Variants in CLASP1 observed in about 807,000 individuals in gnomAD.
CLASP1 encodes CLIP-associating protein 1.
CLASP1 carries 38 observed loss-of-function variants against 192.3 expected under a neutral mutation model. The observed-to-expected ratio is 0.20, with a 90% confidence interval of 0.15 to 0.26. The LOEUF (loss-of-function observed/expected upper bound fraction) is 0.26. Ranked by LOEUF, CLASP1 falls within the 10% of genes least tolerant of loss-of-function variation. CLASP1 has a pLI of 1.00. For missense variants in CLASP1, 1,433 were observed against 1,932.5 expected, an observed-to-expected ratio of 0.74 and a Z score of 4.85; for synonymous variants, 691 against 712.8, an observed-to-expected ratio of 0.97 and a Z score of 0.49.
chr2:121,532,745 AG>A, intron 2 of CLASP1: 1 of 152,336 alleles, frequency 6.6e-6, no homozygotes, highest in East Asian at 1.9e-4. Context: ...TTCCTTAGGT[AG>A]AAACTAAGGA....
At chr2:121,619,763 T>G (rs2106090311) in intron 1 of CLASP1, among the ~76,000 whole-genome samples, 1 of 152,328 alleles carries the variant, frequency 6.6e-6, no homozygotes, top group East Asian at 1.9e-4. Flanking sequence ...TTTTTTCTCC[T>G]CCTGTGGTAG....
chr2:121,584,189 T>A (rs1292112684), intron 2 of CLASP1, among the ~76,000 whole-genome samples: 1 of 152,178 alleles, frequency 6.6e-6, no homozygotes, highest in Non-Finnish European at 1.5e-5. Context: ...GCTCAACTGA[T>A]CTTCCCACCT....
intron 19 of CLASP1, among the ~76,000 whole-genome samples, chr2:121,436,699 CT>C (rs1681462325): frequency 6.6e-6 from 1 of 152,202 alleles, no homozygotes; most frequent in African/African-American, 2.4e-5. Flanking sequence ...GCATGAGCCA[CT>C]GTGCCCGGCT....
At chr2:121,611,836 G>A (rs184210451) in intron 1 of CLASP1, among the ~76,000 whole-genome samples, 5 of 150,978 alleles carry the variant, frequency 3.3e-5, no homozygotes, top group African/African-American at 1.2e-4. Context: ...AGAGGAACTG[G>A]AGGAGGAGGC....
At chr2:121,425,223 C>T (rs778715257) in exon 22 of CLASP1, 1 of 1,613,630 alleles carries the variant, frequency 6.2e-7, no homozygotes, top group African/African-American at 1.3e-5. Context: ...GACGGTGTCA[C>T]AGGTGGGCCT....
At chr2:121,445,988 A>C (rs1234624939) in intron 19 of CLASP1, among the ~76,000 whole-genome samples, 2 of 152,254 alleles carry the variant, frequency 1.3e-5, no homozygotes, top group African/African-American at 4.8e-5. Context: ...AACAGAACTA[A>C]TTCAGCATAG....
rs1263578640 is a variant in CLASP1, at chr2:121,463,245, AT to A, written c.866-641del. 5.9e-5 allele frequency among the ~76,000 whole-genome samples: 9 copies of A among 152,140 alleles called. No homozygotes were observed. The East Asian group carries it at 1.5e-3, about 26-fold the overall frequency. ...TGAAAATCAAGTGATGCTTTATCAGATTTTTTTCACATTGTAAAAATTGGTA... is the reference window on the plus strand; with the variant it reads ...TGAAAATCAAGTGATGCTTTATCAGATTTTTTCACATTGTAAAAATTGGTA... On this transcript the variant is annotated intron_variant, in intron 9 of 39. Coordinates refer to ENST00000263710, the Ensembl canonical transcript of CLASP1.
At chr2:121,577,215 G>C (rs78409097) in intron 2 of CLASP1, among the ~76,000 whole-genome samples, 2,070 of 149,194 alleles carry the variant, frequency 0.014, 43 homozygotes, top group African/African-American at 0.048. Flanking sequence ...TTACTCTTAC[G>C]TATCTTTAAA....
At chr2:121,553,244 G>A (rs1030646209) in intron 2 of CLASP1, among the ~76,000 whole-genome samples, 1 of 152,044 alleles carries the variant, frequency 6.6e-6, no homozygotes, top group Admixed American at 6.6e-5. Context: ...TTTGGGTACT[G>A]GGCTTAATAC....
intron 21 of CLASP1, 49 bp downstream of exon 21, chr2:121,427,355 A>T: frequency 6.2e-7 from 1 of 1,604,044 alleles, no homozygotes; most frequent in East Asian, 2.2e-5. Flanking sequence ...GTCGGGGAGA[A>T]TGCCAACAAC....
At chr2:121,424,998 G>A (rs1189554998) in intron 22 of CLASP1, 141 bp downstream of exon 22, 2 of 800,612 alleles carry the variant, frequency 2.5e-6, no homozygotes, top group African/African-American at 1.7e-5. Flanking sequence ...GCCATAATCT[G>A]TATAAAGCAC....
intron 2 of CLASP1, among the ~76,000 whole-genome samples, chr2:121,565,998 C>T (rs75940798): frequency 0.093 from 14,150 of 152,212 alleles, 921 homozygotes; most frequent in Non-Finnish European, 0.13. Context: ...CGGCCAGAAA[C>T]AAGCACACAG....
At chr2:121,387,212 G>C in exon 32 of CLASP1, 2 of 1,602,500 alleles carry the variant, frequency 1.2e-6, no homozygotes, top group Non-Finnish European at 1.7e-6. Context: ...CCGGCCAATC[G>C]TATTGCTTGG....
chr2:121,501,479 T>C (rs527911073), intron 8 of CLASP1, among the ~76,000 whole-genome samples: 26 of 152,210 alleles, frequency 1.7e-4, no homozygotes, highest in African/African-American at 6.3e-4. Flanking sequence ...AATTACACCA[T>C]AGTTAAAATT....
intron 26 of CLASP1, among the ~76,000 whole-genome samples, chr2:121,403,605 C>G (rs1318942344): frequency 6.6e-6 from 1 of 152,140 alleles, no homozygotes; most frequent in Non-Finnish European, 1.5e-5. Flanking sequence ...CACACCTTAC[C>G]TTCTTCCTCT....
chr2:121,515,974 C>A (rs1275802120), intron 6 of CLASP1, among the ~76,000 whole-genome samples: 1 of 152,184 alleles, frequency 6.6e-6, no homozygotes, highest in Admixed American at 6.5e-5. Flanking sequence ...AACTGTGGGA[C>A]CCCCATCCCT....
intron 1 of CLASP1, among the ~76,000 whole-genome samples, chr2:121,633,233 C>T (rs939688263): frequency 2.6e-5 from 4 of 151,764 alleles, no homozygotes; most frequent in South Asian, 2.1e-4. Context: ...CAAGATGAAG[C>T]GAATTCTCAT....
At chr2:121,555,988 C>CTT (rs34423741) in intron 2 of CLASP1, among the ~76,000 whole-genome samples, 629 of 42,410 alleles carry the variant, frequency 0.015, 69 homozygotes, top group African/African-American at 0.022. Context: ...CTACCCACCG[C>CTT]TTTTTTTTTT....
At chr2:121,356,730 T>C (rs1003643937) in intron 37 of CLASP1, among the ~76,000 whole-genome samples, 1 of 152,248 alleles carries the variant, frequency 6.6e-6, no homozygotes, top group Non-Finnish European at 1.5e-5. Context: ...AAGTAGTGTC[T>C]GTATGAAATG....
Sources: gnomAD v4.1 joint callset for allele counts (sites outside exome capture counted in the v4.1 genomes callset) on GRCh38, gnomAD v4.1.1 for gene constraint, MANE v1.5 for transcripts, NCBI Gene and HGNC (gene_info 2026-07-23, HGNC 2026-07-21) for gene names.